Variants in AFDN observed in about 807,000 individuals in gnomAD.
AFDN encodes afadin, adherens junction formation factor, also known as afadin.
A neutral mutation model predicts 216.6 loss-of-function variants in AFDN; 68 were observed. That is an observed-to-expected ratio of 0.31 (90% CI 0.26 to 0.38). The LOEUF (loss-of-function observed/expected upper bound fraction) is 0.38, where lower values mean the gene tolerates loss of function less well. AFDN is among the 10% of genes least tolerant of loss of function. The pLI, the probability that AFDN is intolerant of heterozygous loss-of-function variation, is 1.00. For synonymous variants in AFDN, 868 were observed against 853.7 expected (o/e 1.02, Z -0.29); for missense variants, 2,136 against 2,342.0 (o/e 0.91, Z 1.82).
intron 6 of AFDN, among the ~76,000 whole-genome samples, chr6:167,885,993 T>A (rs574071896): frequency 6.6e-6 from 1 of 152,328 alleles, no homozygotes; most frequent in African/African-American, 2.4e-5. Context: ...GAAAAGACTT[T>A]TAACATGTGT....
At chr6:167,957,124 C>T (rs995516928) in intron 30 of AFDN, among the ~76,000 whole-genome samples, 9 of 152,170 alleles carry the variant, frequency 5.9e-5, no homozygotes, top group Admixed American at 3.3e-4. Context: ...ATGGCTGACC[C>T]TCTTGGCACA....
At chr6:167,851,313 A>C (rs1782281784) in intron 1 of AFDN, among the ~76,000 whole-genome samples, 1 of 152,154 alleles carries the variant, frequency 6.6e-6, no homozygotes, top group Non-Finnish European at 1.5e-5. Context: ...CAGGGTATGC[A>C]GGTTTGTTAC....
chr6:167,868,216 G>A (rs1438517076), intron 2 of AFDN, among the ~76,000 whole-genome samples: 2 of 152,092 alleles, frequency 1.3e-5, no homozygotes, highest in African/African-American at 4.8e-5. Context: ...TCCAGAGATA[G>A]TATCTGTAAA....
intron 27 of AFDN, among the ~76,000 whole-genome samples, 157 bp downstream of exon 27, chr6:167,947,058 T>C (rs1344437734): frequency 6.6e-6 from 1 of 152,204 alleles, no homozygotes; most frequent in Admixed American, 6.5e-5. Context: ...GTAACATTTC[T>C]CTAACAAAAA....
intron 22 of AFDN, among the ~76,000 whole-genome samples, chr6:167,923,558 C>G (rs1307610775): frequency 6.6e-6 from 1 of 150,702 alleles, no homozygotes; most frequent in African/African-American, 2.4e-5. Flanking sequence ...AATTGATGAT[C>G]GTTCTTTTGT....
chr6:167,957,192 A>T (rs576026069), intron 30 of AFDN, among the ~76,000 whole-genome samples: 1 of 136,350 alleles, frequency 7.3e-6, no homozygotes, highest in South Asian at 2.5e-4. Context: ...CCACTGCTTC[A>T]TATGGGGGGG....
intron 29 of AFDN, among the ~76,000 whole-genome samples, chr6:167,950,457 C>G (rs1562733876): frequency 6.6e-6 from 1 of 152,050 alleles, no homozygotes; most frequent in Non-Finnish European, 1.5e-5. Context: ...CACACACACA[C>G]ATACCCCTAC....
At chr6:167,899,237 A>G (rs116418771) in intron 11 of AFDN, among the ~76,000 whole-genome samples, 1,549 of 152,208 alleles carry the variant, frequency 0.01, 30 homozygotes, top group African/African-American at 0.036. Context: ...TCCAAGATGA[A>G]TACTTGGTGG....
intron 10 of AFDN, 103 bp downstream of exon 10, chr6:167,897,075 G>T (rs1007897603): frequency 3.8e-6 from 2 of 520,980 alleles, no homozygotes; most frequent in East Asian, 3.6e-5. Flanking sequence ...TATAATTACC[G>T]ACTTGTATTT....
rs1354929363 is a variant in AFDN at position 167,962,130 on chromosome 6, G to GT, written c.4834-302dup. Among the ~76,000 whole-genome samples the GT allele has an allele frequency of 6.6e-6, 1 of 152,190 alleles. No homozygotes were observed. The highest frequency in any genetic ancestry group is 1.9e-4 in the East Asian group (1 of 5,206). On this transcript the variant is annotated intron_variant, in intron 30 of 33. Transcript: ENST00000683244. This position sits in a 1 kb window ranked among gnomAD's most constrained non-coding sequence, Gnocchi z 5.2. The stretch of plus-strand genomic sequence containing the variant: ...GAACGGGTTAACTAAATTTGTTCCA[G>GT]TAAAAGAATTGTGCTTGTTGAATGT...
chr6:167,947,785 A>G, intron 27 of AFDN, 68 bp from the exon 28 acceptor site: 7 of 1,025,792 alleles, frequency 6.8e-6, no homozygotes, highest in South Asian at 1.4e-5. Flanking sequence ...TCTTTAAGGA[A>G]ATTTCATGTT....
intron 23 of AFDN, among the ~76,000 whole-genome samples, chr6:167,926,858 G>T (rs1410592702): frequency 1.3e-5 from 2 of 152,108 alleles, no homozygotes; most frequent in African/African-American, 4.8e-5. Flanking sequence ...CTTCTTTGTA[G>T]CTATCCCCAC....
chr6:167,903,667 C>T (rs1789276731), intron 12 of AFDN, among the ~76,000 whole-genome samples: 1 of 152,148 alleles, frequency 6.6e-6, no homozygotes. Flanking sequence ...TTTTAGAAAA[C>T]TCTTTATACC....
At chr6:167,846,975 TAGTG>T (rs35574190) in intron 1 of AFDN, among the ~76,000 whole-genome samples, 45,546 of 151,770 alleles carry the variant, frequency 0.3, 7,798 homozygotes, top group East Asian at 0.59. Context: ...AATAAAAAAA[TAGTG>T]AGGTATGTCT....
chr6:167,911,776 G>T, intron 15 of AFDN: 1 of 407,954 alleles, frequency 2.5e-6, no homozygotes, highest in Non-Finnish European at 4.6e-6. Flanking sequence ...AATTTTTTCT[G>T]TAAATAATTT....
At chr6:167,955,561 C>T (rs533209957) in intron 30 of AFDN, among the ~76,000 whole-genome samples, 7 of 152,244 alleles carry the variant, frequency 4.6e-5, no homozygotes, top group African/African-American at 1.4e-4. Flanking sequence ...ATCCATGACA[C>T]GGTGGGCACT....
At chr6:167,957,770 G>A (rs1347847992) in intron 30 of AFDN, among the ~76,000 whole-genome samples, 1 of 73,930 alleles carries the variant, frequency 1.4e-5, no homozygotes, top group Non-Finnish European at 3.2e-5. Context: ...CTGCAGCTTT[G>A]CCTGGCTGCA....
chr6:167,967,502 A>G (rs1249956101), intron 32 of AFDN, among the ~76,000 whole-genome samples: 1 of 152,202 alleles, frequency 6.6e-6, no homozygotes, highest in East Asian at 1.9e-4. Context: ...TTACGGAATA[A>G]TAGTAAATTT....
At chr6:167,887,638 A>G (rs1787033084) in intron 6 of AFDN, among the ~76,000 whole-genome samples, 1 of 151,826 alleles carries the variant, frequency 6.6e-6, no homozygotes, top group Non-Finnish European at 1.5e-5. Flanking sequence ...TGTATTTTTT[A>G]GTAGAGACAA....
Sources: allele counts gnomAD v4.1 joint callset (sites outside exome capture counted in the v4.1 genomes callset), GRCh38; gene constraint gnomAD v4.1.1; non-coding constraint Gnocchi (gnomAD v3.1); transcripts MANE v1.5; gene names NCBI Gene and HGNC (gene_info 2026-07-23, HGNC 2026-07-21).